Variants in TMCO1 observed in about 807,000 individuals in gnomAD.
TMCO1 encodes calcium load-activated calcium channel.
In TMCO1, 29 loss-of-function variants were observed where a neutral mutation model predicts 29.3. That is an observed-to-expected ratio of 0.99 (90% CI 0.74 to 1.35). TMCO1 has a LOEUF of 1.35. Among genes scored for constraint, TMCO1 ranks in the 40% most tolerant of loss-of-function variants. The probability of loss-of-function intolerance (pLI) is 0.00; values close to 1 mark genes in which losing one functional copy is unlikely to be tolerated. For missense variants in TMCO1, 173 were observed against 225.5 expected, an observed-to-expected ratio of 0.77 and a Z score of 1.49; for synonymous variants, 80 against 77.1, an observed-to-expected ratio of 1.04 and a Z score of -0.20.
chr1:165,752,049 A>C, intron 5 of TMCO1, 53 bp downstream of exon 5: 1 of 1,391,906 alleles, frequency 7.2e-7, no homozygotes, highest in South Asian at 1.2e-5. Context: ...GCTAACATAC[A>C]TACAAATATA....
rs569927853 is a variant in TMCO1, at chr1:165,727,274, TTTTA to T, written c.*745_*748del. 8.3e-3 allele frequency: 3,698 copies of T among 445,824 alleles called. 25 individuals carry two copies. Among genetic ancestry groups the T allele is most frequent in the Middle Eastern group, 0.021 (29 of 1,396 alleles). The allele number at this position is 445,824 out of a possible 1,614,324, so 27.6% of individuals were successfully genotyped here. The stretch of plus-strand genomic sequence containing the variant: ...GAAGAGAACAGCTGAGGACCCTCAT[TTTTA>T]TTTATTTATTTATATTTAATTTTTT... On this transcript the variant is annotated 3_prime_UTR_variant, in exon 7 of 7. Coordinates refer to ENST00000367881, the MANE Select transcript of TMCO1 (RefSeq NM_019026.6).
chr1:165,768,837 A>T lies in TMCO1; in HGVS notation c.-86T>A, dbSNP rs760783250. ...AGTGAAGCGAAAACGGCTTCCGTAG[A>T]CTCCGCCACCACCGAGTAACAGACC... On this transcript the variant is annotated 5_prime_UTR_variant, in exon 1 of 7. Coordinates refer to ENST00000367881, the MANE Select transcript of TMCO1 (RefSeq NM_019026.6). 3 of 1,593,168 alleles carry T rather than the reference A, an allele frequency of 1.9e-6. No individual in the cohort carries two copies. The African/African-American group carries it at 4.0e-5, about 21-fold the overall frequency.
Position 165,728,094 on chromosome 1 carries a change from GGGCAAGGCC to G in TMCO1, c.487_495del (p.Gly163_Ala165del). 1 of 1,608,540 alleles carries G rather than the reference GGGCAAGGCC, an allele frequency of 6.2e-7. No individual in the cohort carries two copies. The highest frequency in any genetic ancestry group is 8.5e-7 in the Non-Finnish European group (1 of 1,176,488). Reference sequence around the variant, plus strand: ...GCCTGCTTGGTGGCGGCTCGTGAAGGGGCAAGGCCGAGAATCTTCTGAATGTTCTGTGAA... The same window carrying G: ...GCCTGCTTGGTGGCGGCTCGTGAAGGGAGAATCTTCTGAATGTTCTGTGAA... On this transcript the variant is annotated inframe_deletion, in exon 7 of 7. Transcript: ENST00000367881.
At chr1:165,734,066 T>A (rs1026406939) in intron 6 of TMCO1, among the ~76,000 whole-genome samples, 5 of 152,244 alleles carry the variant, frequency 3.3e-5, no homozygotes, top group Admixed American at 1.3e-4. Flanking sequence ...TTAGTTTCTC[T>A]GACATCTGGC....
At chr1:165,740,784 A>G (rs1242338040) in intron 6 of TMCO1, among the ~76,000 whole-genome samples, 1 of 152,194 alleles carries the variant, frequency 6.6e-6, no homozygotes, top group East Asian at 1.9e-4. Context: ...CTTTGCTATA[A>G]AAGTGAGTTC....
intron 4 of TMCO1, among the ~76,000 whole-genome samples, chr1:165,752,716 C>A (rs1652048623): frequency 6.6e-6 from 1 of 151,594 alleles, no homozygotes; most frequent in South Asian, 2.1e-4. Flanking sequence ...ATCACTTGAA[C>A]CTGAGAGGCG....
chr1:165,745,809 A>T (rs1256992546), intron 5 of TMCO1, among the ~76,000 whole-genome samples: 1 of 152,198 alleles, frequency 6.6e-6, no homozygotes, highest in Non-Finnish European at 1.5e-5. Flanking sequence ...CTAAGACACA[A>T]TATTTTTTTT....
intron 6 of TMCO1, among the ~76,000 whole-genome samples, chr1:165,733,144 G>C (rs1651235855): frequency 6.6e-6 from 1 of 152,064 alleles, no homozygotes; most frequent in African/African-American, 2.4e-5. Context: ...GATACCAATG[G>C]TCAGGCTGTA....
At chr1:165,732,546 G>A (rs1038277561) in intron 6 of TMCO1, among the ~76,000 whole-genome samples, 2 of 147,052 alleles carry the variant, frequency 1.4e-5, no homozygotes, top group African/African-American at 2.5e-5. Flanking sequence ...AAATATAGTT[G>A]CTATGCAAAA....
intron 3 of TMCO1, among the ~76,000 whole-genome samples, chr1:165,757,796 C>T (rs1652253987): frequency 6.6e-6 from 1 of 152,162 alleles, no homozygotes; most frequent in African/African-American, 2.4e-5. Flanking sequence ...CCATGCCTGG[C>T]AATAAATATT....
rs1558026436 is a variant in TMCO1, at chr1:165,727,231, G to C, written c.*792C>G. 4.4e-6 allele frequency: 2 copies of C among 453,670 alleles called. No homozygotes were observed. Among genetic ancestry groups the C allele is most frequent in the Admixed American group, 2.4e-5 (1 of 42,474 alleles). The allele number at this position is 453,670 out of a possible 1,614,324, so 28.1% of individuals were successfully genotyped here. A position where few individuals can be genotyped will look rare whatever the true frequency, so the allele number is the denominator to read the frequency against. ...TAAGAGTGCCCCCACAAGAATCTGA[G>C]AGACTGTAATAGGATATGAAGAGAA... On this transcript the variant is annotated 3_prime_UTR_variant, in exon 7 of 7. Transcript: ENST00000367881.
chr1:165,762,667 G>A (rs1652437980), intron 2 of TMCO1, among the ~76,000 whole-genome samples: 2 of 152,188 alleles, frequency 1.3e-5, no homozygotes, highest in Non-Finnish European at 2.9e-5. Flanking sequence ...AATAAAAGAT[G>A]TCTACTATGA....
At position 165,728,023 on chromosome 1, in the gene TMCO1, T is replaced by C; in HGVS notation, c.567A>G (p.Ter189TrpextTer12). 1 of 1,603,798 alleles carries C rather than the reference T, an allele frequency of 6.2e-7. No individual in the cohort carries two copies. The highest frequency in any genetic ancestry group is 8.5e-7 in the Non-Finnish European group (1 of 1,173,162). The change falls in exon 7 of 7, where the codon TGA becomes TGG. Residue 189 changes from the stop codon to tryptophan, a stop_lost. Coordinates refer to ENST00000367881, the MANE Select transcript of TMCO1 (RefSeq NM_019026.6). ...GATAGAAAATAAAGAGTTCTTGAGT[T>C]CAAGAGAACTTCCCAGAAGGAGGTG... ...GPPPPSGKFS[*>W]
chr1:165,742,909 A>G (rs1651648164), intron 6 of TMCO1, among the ~76,000 whole-genome samples: 1 of 152,200 alleles, frequency 6.6e-6, no homozygotes, highest in African/African-American at 2.4e-5. Context: ...GTTGTAATAA[A>G]GAAGGAGCCT....
chr1:165,761,767 G>A (rs1010912027), intron 2 of TMCO1, among the ~76,000 whole-genome samples: 3 of 151,566 alleles, frequency 2.0e-5, no homozygotes, highest in Non-Finnish European at 2.9e-5. Flanking sequence ...TGGGCAACAC[G>A]GTGAAACCTC....
chr1:165,768,172 TA>T lies in TMCO1; in HGVS notation c.148+19del. ...GAGCTTGACGTGTTGAAATTATTTC[TA>T]ATGTGTTGCCATACTCACATTTTTT... On this transcript the variant is annotated intron_variant, in intron 2 of 6. Transcript: ENST00000367881. 1 of 1,585,408 alleles carries T rather than the reference TA, an allele frequency of 6.3e-7. No individual in the cohort carries two copies. The highest frequency in any genetic ancestry group is 8.7e-7 in the Non-Finnish European group (1 of 1,153,666).
chr1:165,738,700 A>G lies in TMCO1; in HGVS notation c.468+4467T>C, dbSNP rs541338049. Among the ~76,000 whole-genome samples, 4 of 152,350 alleles carry G rather than the reference A, an allele frequency of 2.6e-5. No homozygotes were observed. In the South Asian group the frequency reaches 8.3e-4, roughly 32 times the overall value. ...GAAACAATTTATAATTAATAAAACA[A>G]AAAGTATAAAGGTAGGTGACTTCTG... On this transcript the variant is annotated intron_variant, in intron 6 of 6. Transcript: ENST00000367881.
chr1:165,726,883 A>G lies in TMCO1; in HGVS notation c.*1140T>C, dbSNP rs1045279710. 6.6e-5 allele frequency: 30 copies of G among 453,944 alleles called. No individual in the cohort carries two copies. The highest frequency in any genetic ancestry group is 1.3e-4 in the Non-Finnish European group (30 of 226,776). The allele number at this position is 453,944 out of a possible 1,614,324, so 28.1% of individuals were successfully genotyped here. ...ACTTATTTTCCTCAGCACTTTGAAG[A>G]TACTTTTCTACTGTCTTCTGGACTT... On this transcript the variant is annotated 3_prime_UTR_variant, in exon 7 of 7. Transcript: ENST00000367881.
At chr1:165,740,029 T>G (rs1651530703) in intron 6 of TMCO1, among the ~76,000 whole-genome samples, 1 of 151,554 alleles carries the variant, frequency 6.6e-6, no homozygotes, top group African/African-American at 2.4e-5. Context: ...GGAGAATCAC[T>G]TGAACCAGGG....
Sources: allele counts gnomAD v4.1 joint callset (sites outside exome capture counted in the v4.1 genomes callset), GRCh38; gene constraint gnomAD v4.1.1; transcripts MANE v1.5; gene names NCBI Gene and HGNC (gene_info 2026-07-23, HGNC 2026-07-21).